The following SEC61A2 variants were observed in gnomAD, a reference collection of about 807,000 sequenced individuals.
The protein encoded by SEC61A2 is protein transport protein Sec61 subunit alpha isoform 2.
Under a neutral mutation model 59.9 loss-of-function variants are expected in SEC61A2, and 28 were observed. That is an observed-to-expected ratio of 0.47 (90% CI 0.35 to 0.64). The LOEUF (loss-of-function observed/expected upper bound fraction) is 0.64. Ranked by LOEUF, SEC61A2 falls within the 30% of genes least tolerant of loss-of-function variation. The pLI is 0.01. For synonymous variants in SEC61A2, 202 were observed against 214.4 expected (o/e 0.94, Z 0.50); for missense variants, 340 against 585.9 (o/e 0.58, Z 4.33).
chr10:12,159,193 G>A (rs1355504711), intron 9 of SEC61A2, among the ~76,000 whole-genome samples: 1 of 151,808 alleles, frequency 6.6e-6, no homozygotes, highest in Non-Finnish European at 1.5e-5. Context: ...TAGCCAGGAT[G>A]GTCTCGATCT....
chr10:12,133,497 C>A (rs552528076), intron 2 of SEC61A2, among the ~76,000 whole-genome samples, 189 bp downstream of exon 2: 2 of 152,326 alleles, frequency 1.3e-5, no homozygotes, highest in Admixed American at 1.3e-4. Flanking sequence ...TAGGTTAACT[C>A]ATGCTTTCAA....
At chr10:12,133,685 G>A (rs1019445554) in intron 2 of SEC61A2, among the ~76,000 whole-genome samples, 1 of 152,204 alleles carries the variant, frequency 6.6e-6, no homozygotes, top group African/African-American at 2.4e-5. Context: ...CAGTCTGCTC[G>A]ATAGGTTTTG....
Position 12,162,127 on chromosome 10 carries a change from T to C in SEC61A2, c.1168-86T>C. On this transcript the variant is annotated intron_variant, in intron 10 of 11. Coordinates refer to ENST00000298428, the MANE Select transcript of SEC61A2 (RefSeq NM_018144.4). The surrounding 1 kb of genome is among the most constrained non-coding windows in gnomAD (Gnocchi z 6.1). ...GGTTATTGTATGTTACGTGTTAGTG[T>C]GTGGCGAGCACTTCGCATAGAACGT... 1 of 975,702 alleles carries C rather than the reference T, an allele frequency of 1.0e-6. No homozygotes were observed. Among genetic ancestry groups the C allele is most frequent in the East Asian group, 2.4e-5 (1 of 41,596 alleles). The allele number at this position is 975,702 out of a possible 1,614,324, so 60.4% of individuals were successfully genotyped here. A position where few individuals can be genotyped will look rare whatever the true frequency, so the allele number is the denominator to read the frequency against.
chr10:12,151,514 G>A (rs1834274945), intron 6 of SEC61A2, among the ~76,000 whole-genome samples: 1 of 151,608 alleles, frequency 6.6e-6, no homozygotes. Flanking sequence ...GTTTCACCAT[G>A]TTGGCCAGGA....
chr10:12,141,841 C>G (rs1214722592), intron 3 of SEC61A2, among the ~76,000 whole-genome samples: 4 of 152,192 alleles, frequency 2.6e-5, no homozygotes, highest in Non-Finnish European at 5.9e-5. Flanking sequence ...GCCATCACCC[C>G]CTGTTCTGTG....
At position 12,155,277 on chromosome 10, in the gene SEC61A2, C is replaced by CAT. The variant is rs565623017; in HGVS notation, c.463-493_463-492dup. 3.3e-5 allele frequency: 45 copies of CAT among 1,369,670 alleles called. No individual in the cohort carries two copies. Among genetic ancestry groups the CAT allele is most frequent in the Non-Finnish European group, 3.7e-5 (38 of 1,025,426 alleles). 84.8% of individuals were successfully genotyped at this position (1,369,670 alleles called of 1,614,324 possible). A position where few individuals can be genotyped will look rare whatever the true frequency, so the allele number is the denominator to read the frequency against. ...TTCTGTACACATTTTATAGAGTATA[C>CAT]ATATATATAATATATATAATGCTTT... On this transcript the variant is annotated intron_variant, in intron 6 of 11. Coordinates refer to ENST00000298428, the MANE Select transcript of SEC61A2 (RefSeq NM_018144.4). This position sits in a 1 kb window ranked among gnomAD's most constrained non-coding sequence, Gnocchi z 4.3.
rs1008277240 is a variant in SEC61A2, at chr10:12,143,733, CA to C, written c.220+547del. Reference sequence around the variant, plus strand: ...GGGTAACAGAGTAAGACTCTGCCTCCAAAAAAAAAGGGAGTCCAGTGTGTGA... The same window carrying C: ...GGGTAACAGAGTAAGACTCTGCCTCCAAAAAAAAGGGAGTCCAGTGTGTGA... On this transcript the variant is annotated intron_variant, in intron 4 of 11. Coordinates refer to ENST00000298428, the MANE Select transcript of SEC61A2 (RefSeq NM_018144.4). The surrounding 1 kb of genome is among the most constrained non-coding windows in gnomAD (Gnocchi z 4.8). Among the ~76,000 whole-genome samples, 4 of 149,382 alleles carry C rather than the reference CA, an allele frequency of 2.7e-5. No individual in the cohort carries two copies. Among genetic ancestry groups the C allele is most frequent in the Admixed American group, 1.3e-4 (2 of 14,986 alleles).
chr10:12,140,527 C>T (rs1197567485), intron 3 of SEC61A2, among the ~76,000 whole-genome samples: 3 of 152,172 alleles, frequency 2.0e-5, no homozygotes, highest in African/African-American at 4.8e-5. Flanking sequence ...GGGAGGTTGG[C>T]TTGCTGTTTC....
At chr10:12,146,863 A>C (rs1468728269) in intron 4 of SEC61A2, among the ~76,000 whole-genome samples, 1 of 151,288 alleles carries the variant, frequency 6.6e-6, no homozygotes, top group Non-Finnish European at 1.5e-5. Context: ...TTTGCACATG[A>C]GAGATAAGAA....
intron 6 of SEC61A2, 119 bp downstream of exon 6, chr10:12,150,080 T>G (rs1005027851): frequency 2.8e-6 from 2 of 705,350 alleles, no homozygotes; most frequent in Non-Finnish European, 4.6e-6. Context: ...TATTTAATTC[T>G]AGTATTTTGA....
At chr10:12,167,989 T>G, downstream of SEC61A2, 1 of 1,197,978 alleles carries the variant, frequency 8.3e-7, no homozygotes, top group Non-Finnish European at 1.1e-6. Flanking sequence ...AAGGCAAGAT[T>G]ACATTCCTAG....
chr10:12,136,241 A>G, intron 3 of SEC61A2, 71 bp downstream of exon 3: 1 of 971,044 alleles, frequency 1.0e-6, no homozygotes, highest in Non-Finnish European at 1.6e-6. Context: ...GAATTTGAGA[A>G]TTTTTTTTGT....
intron 3 of SEC61A2, among the ~76,000 whole-genome samples, chr10:12,137,798 G>A (rs983151812): frequency 6.6e-6 from 1 of 152,096 alleles, no homozygotes; most frequent in African/African-American, 2.4e-5. Flanking sequence ...CTTGACGTCA[G>A]GAGTTGAGAC....
chr10:12,159,513 A>AC (rs1214756459), intron 9 of SEC61A2, among the ~76,000 whole-genome samples: 1 of 151,926 alleles, frequency 6.6e-6, no homozygotes, highest in Non-Finnish European at 1.5e-5. Flanking sequence ...ACATAGCGAG[A>AC]CCCCATCTCT....
At chr10:12,140,296 T>C (rs1184031017) in intron 3 of SEC61A2, among the ~76,000 whole-genome samples, 1 of 152,304 alleles carries the variant, frequency 6.6e-6, no homozygotes, top group East Asian at 1.9e-4. Flanking sequence ...GGCCACCTGC[T>C]TAGAGTGCCT....
intron 3 of SEC61A2, among the ~76,000 whole-genome samples, chr10:12,138,170 C>G (rs900057142): frequency 1.3e-5 from 2 of 152,014 alleles, no homozygotes; most frequent in African/African-American, 4.8e-5. Context: ...GAAAACCTAA[C>G]TATATTTTCT....
downstream of SEC61A2, among the ~76,000 whole-genome samples, chr10:12,169,042 C>T (rs769689246): frequency 3.3e-5 from 5 of 152,190 alleles, no homozygotes; most frequent in Admixed American, 6.5e-5. The surrounding 1 kb of genome is among the most constrained non-coding windows in gnomAD (Gnocchi z 4.8). Context: ...GGATTACAGG[C>T]GTGAGCCACC....
chr10:12,140,092 A>G (rs1271569591), intron 3 of SEC61A2, among the ~76,000 whole-genome samples: 1 of 152,186 alleles, frequency 6.6e-6, no homozygotes, highest in Non-Finnish European at 1.5e-5. Flanking sequence ...TGCAGAAGTA[A>G]AGAAATTACT....
intron 4 of SEC61A2, among the ~76,000 whole-genome samples, chr10:12,147,171 G>A (rs978593173): frequency 1.3e-5 from 2 of 152,182 alleles, no homozygotes; most frequent in African/African-American, 4.8e-5. Context: ...GATGACAGGC[G>A]TGAGCCACCA....
Sources: gnomAD v4.1 joint callset for allele counts (sites outside exome capture counted in the v4.1 genomes callset) on GRCh38, gnomAD v4.1.1 for gene constraint, Gnocchi (gnomAD v3.1) non-coding constraint, MANE v1.5 for transcripts, NCBI Gene and HGNC (gene_info 2026-07-23, HGNC 2026-07-21) for gene names.